The following SHOC2 variants were observed in gnomAD, a reference collection of about 807,000 sequenced individuals.
The protein encoded by SHOC2 is leucine-rich repeat protein SHOC-2.
In SHOC2, 4 loss-of-function variants were observed where a neutral mutation model predicts 50.2. The ratio of observed to expected loss-of-function variants is 0.08; its 90% CI spans 0.04 to 0.18. The LOEUF (loss-of-function observed/expected upper bound fraction) is 0.18. Among genes scored for constraint, SHOC2 ranks in the 10% least tolerant of loss-of-function variants. The pLI is 1.00. For missense variants in SHOC2, 388 were observed against 669.6 expected (o/e 0.58, Z 4.64); for synonymous variants, 218 against 244.5 (o/e 0.89, Z 1.01).
At chr10:110,990,403 A>G (rs1848160134) in intron 3 of SHOC2, among the ~76,000 whole-genome samples, 2 of 152,314 alleles carry the variant, frequency 1.3e-5, no homozygotes, top group South Asian at 4.2e-4. Flanking sequence ...TAAATACACC[A>G]ATCAGCACCC....
chr10:110,987,213 CGTT>C (rs751206793), intron 3 of SHOC2, among the ~76,000 whole-genome samples: 4 of 152,124 alleles, frequency 2.6e-5, no homozygotes, highest in Non-Finnish European at 4.4e-5. Context: ...TTAGTCATTA[CGTT>C]GTTAACTCTC....
chr10:111,010,770 TC>T (rs939882649), intron 8 of SHOC2, among the ~76,000 whole-genome samples: 3 of 152,152 alleles, frequency 2.0e-5, no homozygotes, highest in Non-Finnish European at 4.4e-5. Flanking sequence ...GTATGTAAAC[TC>T]CCTAAGCCTC....
chr10:110,997,046 A>G (rs1281850582), intron 3 of SHOC2, among the ~76,000 whole-genome samples: 3 of 152,128 alleles, frequency 2.0e-5, no homozygotes, highest in Admixed American at 2.0e-4. Context: ...TTATTTGGCA[A>G]ATGGTGTATA....
At position 110,978,776 on chromosome 10, in the gene SHOC2, A is replaced by G. The variant is rs565416410; in HGVS notation, c.704-6852A>G. Among the ~76,000 whole-genome samples the G allele has an allele frequency of 6.6e-5, 10 of 152,284 alleles. No individual in the cohort carries two copies. In the South Asian group the frequency reaches 2.1e-3, roughly 32 times the overall value. On this transcript the variant is annotated intron_variant, in intron 2 of 8. Coordinates refer to ENST00000369452, the MANE Select transcript of SHOC2 (RefSeq NM_007373.4). The stretch of plus-strand genomic sequence containing the variant: ...GATTTCCTCCTTTACAGAGTATCCA[A>G]CCTTGAATTCCAGTCACTCTTATAA...
intron 2 of SHOC2, among the ~76,000 whole-genome samples, chr10:110,973,272 G>A (rs550910383): frequency 5.4e-4 from 82 of 152,210 alleles, no homozygotes; most frequent in Non-Finnish European, 1.0e-3. Context: ...TAAAGAACAA[G>A]AGTTATTTTA....
intron 1 of SHOC2, among the ~76,000 whole-genome samples, chr10:110,928,319 C>T (rs12248632): frequency 0.083 from 12,646 of 151,784 alleles, 949 homozygotes; most frequent in East Asian, 0.3. Context: ...AATAATTTCC[C>T]GAGACTGTTG....
chr10:110,974,446 T>G (rs1455659511), intron 2 of SHOC2, among the ~76,000 whole-genome samples: 1 of 152,156 alleles, frequency 6.6e-6, no homozygotes, highest in Non-Finnish European at 1.5e-5. Context: ...GATAATGTTT[T>G]ACATTCAACA....
intron 1 of SHOC2, among the ~76,000 whole-genome samples, chr10:110,950,835 C>G (rs1307503028): frequency 6.6e-6 from 1 of 152,112 alleles, no homozygotes; most frequent in South Asian, 2.1e-4. Flanking sequence ...ATAAAAATTT[C>G]ATTCCTGTAC....
At chr10:110,955,313 A>G (rs1847439031) in intron 1 of SHOC2, among the ~76,000 whole-genome samples, 1 of 152,200 alleles carries the variant, frequency 6.6e-6, no homozygotes, top group African/African-American at 2.4e-5. Context: ...ATGTTTGCCA[A>G]AGGTTTGGAT....
Position 110,919,604 on chromosome 10 carries a change from G to A in SHOC2, c.-288G>A. The A allele has an allele frequency of 5.0e-6, 2 of 398,000 alleles. No individual in the cohort carries two copies. The highest frequency in any genetic ancestry group is 3.6e-5 in the East Asian group (1 of 27,990). The allele number at this position is 398,000 out of a possible 1,614,324, so 24.7% of individuals were successfully genotyped here. A position where few individuals can be genotyped will look rare whatever the true frequency, so the allele number is the denominator to read the frequency against. On this transcript the variant is annotated 5_prime_UTR_variant, in exon 1 of 9. Transcript: ENST00000369452. Reference sequence around the variant, plus strand: ...CAGCGTCGCTTCTTAGGAGGAGGAGGAAGAGGAGGAAGGAGGGCGAGCGAG... The same window carrying A: ...CAGCGTCGCTTCTTAGGAGGAGGAGAAAGAGGAGGAAGGAGGGCGAGCGAG...
chr10:110,956,642 T>TA (rs1847469204), intron 1 of SHOC2, among the ~76,000 whole-genome samples: 1 of 152,212 alleles, frequency 6.6e-6, no homozygotes, highest in Non-Finnish European at 1.5e-5. Flanking sequence ...AAACTCTTCT[T>TA]ACATGTTAAA....
chr10:110,956,335 C>T (rs956882617), intron 1 of SHOC2, among the ~76,000 whole-genome samples: 6 of 152,140 alleles, frequency 3.9e-5, no homozygotes, highest in African/African-American at 1.2e-4. Context: ...TGCTCAGTCT[C>T]CCAAGTAGCT....
At chr10:110,960,718 C>G (rs955749477) in intron 1 of SHOC2, among the ~76,000 whole-genome samples, 1 of 152,194 alleles carries the variant, frequency 6.6e-6, no homozygotes, top group African/African-American at 2.4e-5. Context: ...CTCTGTCGCC[C>G]AGGCTAGAGT....
rs539552844 is a variant in SHOC2 at position 110,940,910 on chromosome 10, G to GTTTTTTTTTTT, written c.-235+21281_-235+21291dup. 5.9e-4 allele frequency among the ~76,000 whole-genome samples: 70 copies of GTTTTTTTTTTT among 119,470 alleles called. 3 individuals are homozygous for GTTTTTTTTTTT. Among genetic ancestry groups the GTTTTTTTTTTT allele is most frequent in the Non-Finnish European group, 1.1e-3 (63 of 58,650 alleles). The allele number at this position is 119,470 out of a possible 152,430, so 78.4% of individuals were successfully genotyped here. Reference sequence around the variant, plus strand: ...GACAAAATAGTGGTATTTGTGGTGGGTTTTTTTTTTTTTTTTTTTTTTTTT... The same window carrying GTTTTTTTTTTT: ...GACAAAATAGTGGTATTTGTGGTGGGTTTTTTTTTTTTTTTTTTTTTTTTTTTTTTTTTTTT... On this transcript the variant is annotated intron_variant, in intron 1 of 8. Coordinates refer to ENST00000369452, the MANE Select transcript of SHOC2 (RefSeq NM_007373.4).
At chr10:110,963,460 TC>T (rs1020734424) in intron 1 of SHOC2, among the ~76,000 whole-genome samples, 1 of 152,196 alleles carries the variant, frequency 6.6e-6, no homozygotes, top group Non-Finnish European at 1.5e-5. Flanking sequence ...AATGCCCCTT[TC>T]CCTGAACTGT....
Position 110,985,660 on chromosome 10 carries a change from G to C in SHOC2, c.736G>C (p.Ala246Pro). ...ELCNLITLDV[A>P]HNQLEHLPKE... is the part of the protein sequence containing the mutation. ...ATGTAACCTCATTACGCTGGATGTA[G>C]CTCACAATCAACTTGAACACCTTCC... Residue 246 changes from alanine (A) to proline (P), a missense_variant, in exon 3 of 9, where the codon GCT becomes CCT. Physicochemically the swap from Ala to Pro is conservative, Grantham distance 27. Around this residue, in one of 5 missense-constraint regions of SHOC2, gnomAD observed 88 missense variants for 147.2 expected, o/e 0.60. Transcript: ENST00000369452. The C allele has an allele frequency of 1.2e-6, 2 of 1,611,740 alleles. No homozygotes were observed. Among genetic ancestry groups the C allele is most frequent in the Non-Finnish European group, 1.7e-6 (2 of 1,178,844 alleles).
chr10:110,921,015 C>T (rs1020518257), intron 1 of SHOC2, among the ~76,000 whole-genome samples: 4 of 152,170 alleles, frequency 2.6e-5, no homozygotes, highest in Non-Finnish European at 5.9e-5. Context: ...CTAAATGCAG[C>T]AACACCACTG....
chr10:110,919,527 GC>G (rs1846556401), upstream of SHOC2: 1 of 387,768 alleles, frequency 2.6e-6, no homozygotes, highest in Non-Finnish European at 4.5e-6. Context: ...TAGTGGCGGG[GC>G]GGGCGGGGCG....
intron 2 of SHOC2, among the ~76,000 whole-genome samples, chr10:110,980,280 C>T (rs1260156219): frequency 6.6e-6 from 1 of 152,012 alleles, no homozygotes; most frequent in East Asian, 1.9e-4. Context: ...CCTCAGCCTC[C>T]CGAGTAGCTG....
Sources: allele counts gnomAD v4.1 joint callset (sites outside exome capture counted in the v4.1 genomes callset), GRCh38; gene constraint gnomAD v4.1.1; regional missense constraint gnomAD v4.1.1; transcripts MANE v1.5; gene names NCBI Gene and HGNC (gene_info 2026-07-23, HGNC 2026-07-21).